LIG1: variants seen among roughly 807,000 people sequenced by gnomAD.
LIG1 encodes the protein DNA ligase 1.
Under a neutral mutation model 115.7 loss-of-function variants are expected in LIG1, and 70 were observed. That is an observed-to-expected ratio of 0.60 (90% CI 0.50 to 0.74). The LOEUF is 0.74. LIG1 is among the 30% of genes least tolerant of loss of function. The pLI is 0.00. For synonymous variants in LIG1, 487 were observed against 495.3 expected, an observed-to-expected ratio of 0.98 and a Z score of 0.22; for missense variants, 1,115 against 1,225.6, an observed-to-expected ratio of 0.91 and a Z score of 1.35.
chr19:48,136,338 T>C (rs955098873), intron 14 of LIG1, among the ~76,000 whole-genome samples: 2 of 152,118 alleles, frequency 1.3e-5, no homozygotes, highest in African/African-American at 4.8e-5. Context: ...CCCACTAGCA[T>C]AGACTGGGGA....
chr19:48,143,314 A>G (rs2034894429), intron 11 of LIG1, among the ~76,000 whole-genome samples: 1 of 152,206 alleles, frequency 6.6e-6, no homozygotes, highest in African/African-American at 2.4e-5. Context: ...CTTACCCTGC[A>G]CATCTGGGCT....
rs964828565 is a variant in LIG1, at chr19:48,154,291, C to G, written c.371-324G>C. 61 of 366,270 alleles carry G rather than the reference C, an allele frequency of 1.7e-4. 1 individual carries two copies. The highest frequency in any genetic ancestry group is 1.3e-3 in the South Asian group (59 of 45,824). The allele number at this position is 366,270 out of a possible 1,614,324, so 22.7% of individuals were successfully genotyped here. A position where few individuals can be genotyped will look rare whatever the true frequency, so the allele number is the denominator to read the frequency against. ...AGGTCCCCTGAGCTCCCCACTGCTCCCCTCAGATCTTAACTGCCTCCAAGT... is the reference window on the plus strand; with the variant it reads ...AGGTCCCCTGAGCTCCCCACTGCTCGCCTCAGATCTTAACTGCCTCCAAGT... On this transcript the variant is annotated intron_variant, in intron 5 of 27. Coordinates refer to ENST00000263274, the MANE Select transcript of LIG1 (RefSeq NM_000234.3).
chr19:48,143,821 T>A lies in LIG1; in HGVS notation c.857+62A>T, dbSNP rs372591837. 4 of 1,415,724 alleles carry A rather than the reference T, an allele frequency of 2.8e-6. No individual in the cohort carries two copies. The East Asian group carries it at 9.1e-5, about 32-fold the overall frequency. The allele number at this position is 1,415,724 out of a possible 1,614,324, so 87.7% of individuals were successfully genotyped here. ...CATTTCTCCCAACCAAGACTCTGCT[T>A]AGAGAGCCTCCGGTGGCAACAGGGA... On this transcript the variant is annotated intron_variant, in intron 10 of 27. Coordinates refer to ENST00000263274, the MANE Select transcript of LIG1 (RefSeq NM_000234.3).
At position 48,132,615 on chromosome 19, in the gene LIG1, C is replaced by A. The variant is rs559470285; in HGVS notation, c.1725+367G>T. Among the ~76,000 whole-genome samples the A allele has an allele frequency of 4.6e-5, 7 of 151,758 alleles. No homozygotes were observed. In the South Asian group the frequency reaches 8.3e-4, roughly 18 times the overall value. Reference sequence around the variant, plus strand: ...GACCATCTTGGCCAACATGGTGAAACCTCGTCTCTACTAAAAATACAAAAA... The same window carrying A: ...GACCATCTTGGCCAACATGGTGAAAACTCGTCTCTACTAAAAATACAAAAA... On this transcript the variant is annotated intron_variant, in intron 18 of 27. Transcript: ENST00000263274.
At chr19:48,133,779 G>A (rs1403187947) in intron 17 of LIG1, among the ~76,000 whole-genome samples, 2 of 152,156 alleles carry the variant, frequency 1.3e-5, no homozygotes, top group Non-Finnish European at 2.9e-5. Flanking sequence ...TCACAGCAGT[G>A]TCACCTACAC....
chr19:48,115,907 T>C lies in LIG1; in HGVS notation c.2642A>G (p.Asp881Gly). The change falls in exon 27 of 28, where the codon GAC (aspartate) becomes GGC (glycine). Residue 881 changes from aspartate (D) to glycine (G), a missense_variant. Asp to Gly is a moderately conservative substitution (Grantham distance 94). Transcript: ENST00000263274. ...GGTGGTGGCCTGCTCCGGCTGCTTGTCTTCACGGACTCGAATAAACCGAGG... is the reference window on the plus strand; with the variant it reads ...GGTGGTGGCCTGCTCCGGCTGCTTGCCTTCACGGACTCGAATAAACCGAGG... ...RFPRFIRVREDKQPEQATTSA... is the reference protein window; with the variant it reads ...RFPRFIRVREGKQPEQATTSA... 1 of 1,613,906 alleles carries C rather than the reference T, an allele frequency of 6.2e-7. No homozygotes were observed. The highest frequency in any genetic ancestry group is 1.6e-4 in the Middle Eastern group (1 of 6,068).
intron 11 of LIG1, 126 bp downstream of exon 11, chr19:48,143,417 A>C: frequency 2.3e-6 from 2 of 878,082 alleles, no homozygotes; most frequent in South Asian, 1.3e-5. Flanking sequence ...ATCCATGATC[A>C]TACGCCCGAG....
chr19:48,116,120 C>G, intron 26 of LIG1, 155 bp from the exon 27 acceptor site: 3 of 680,492 alleles, frequency 4.4e-6, no homozygotes, highest in Non-Finnish European at 7.9e-6. Flanking sequence ...GTGCTTGGAA[C>G]AGTACCCGGG....
At chr19:48,145,085 G>C (rs1312729717) in intron 9 of LIG1, among the ~76,000 whole-genome samples, 3 of 152,210 alleles carry the variant, frequency 2.0e-5, no homozygotes, top group Non-Finnish European at 4.4e-5. Flanking sequence ...TCTTTGTAGA[G>C]ATGGGGTTTT....
At chr19:48,134,995 G>T (rs150108380) in intron 16 of LIG1, among the ~76,000 whole-genome samples, 11 of 152,308 alleles carry the variant, frequency 7.2e-5, no homozygotes, top group African/African-American at 2.6e-4. Context: ...CCTCGTGGCC[G>T]CTCCACGGAT....
rs1249813538 is a variant in LIG1 at position 48,161,233 on chromosome 19, C to T, written c.243+139G>A. 6 of 1,281,262 alleles carry T rather than the reference C, an allele frequency of 4.7e-6. No homozygotes were observed. In the African/African-American group the frequency reaches 8.7e-5, roughly 19 times the overall value. The allele number at this position is 1,281,262 out of a possible 1,614,324, so 79.4% of individuals were successfully genotyped here. A position where few individuals can be genotyped will look rare whatever the true frequency, so the allele number is the denominator to read the frequency against. On this transcript the variant is annotated intron_variant, in intron 4 of 27. Coordinates refer to ENST00000263274, the MANE Select transcript of LIG1 (RefSeq NM_000234.3). ...CAATTAGGACCAGGTTGTGTCTGCCCCCGACACAACCAGGAAACACATCTA... is the reference window on the plus strand; with the variant it reads ...CAATTAGGACCAGGTTGTGTCTGCCTCCGACACAACCAGGAAACACATCTA...
At chr19:48,138,867 G>A (rs1195217975) in intron 12 of LIG1, among the ~76,000 whole-genome samples, 1 of 152,196 alleles carries the variant, frequency 6.6e-6, no homozygotes, top group Non-Finnish European at 1.5e-5. Context: ...TATGACGTCA[G>A]TGCTCCCGAA....
At chr19:48,138,267 C>T (rs1327483271) in intron 12 of LIG1, among the ~76,000 whole-genome samples, 1 of 152,168 alleles carries the variant, frequency 6.6e-6, no homozygotes, top group African/African-American at 2.4e-5. Context: ...TCAGAACCAA[C>T]ACACCCTTGT....
intron 25 of LIG1, 153 bp from the exon 26 acceptor site, chr19:48,117,934 G>C: frequency 2.6e-6 from 2 of 755,154 alleles, no homozygotes; most frequent in Non-Finnish European, 2.3e-6. Flanking sequence ...AAAGAAACAA[G>C]ACACCCCCTT....
intron 2 of LIG1, among the ~76,000 whole-genome samples, chr19:48,165,057 G>A (rs1226432009): frequency 2.0e-5 from 3 of 152,198 alleles, no homozygotes; most frequent in Non-Finnish European, 2.9e-5. Context: ...TCAGGAGTTT[G>A]AGACCAGCCT....
chr19:48,164,639 C>A (rs999515322), intron 2 of LIG1, among the ~76,000 whole-genome samples: 2 of 152,210 alleles, frequency 1.3e-5, no homozygotes, highest in African/African-American at 2.4e-5. Flanking sequence ...GTGAGGACAA[C>A]CTCAAGGACA....
At chr19:48,147,660 G>GA (rs1269018655) in intron 9 of LIG1, among the ~76,000 whole-genome samples, 7 of 147,934 alleles carry the variant, frequency 4.7e-5, no homozygotes, top group Non-Finnish European at 1.0e-4. Context: ...AAAAAAACAA[G>GA]AAACAAAAAA....
chr19:48,149,969 A>G (rs952977815), intron 8 of LIG1, 119 bp downstream of exon 8: 2 of 1,573,332 alleles, frequency 1.3e-6, no homozygotes, highest in African/African-American at 2.7e-5. Flanking sequence ...GACAAGGCCG[A>G]CTTTCCAACC....
chr19:48,147,142 C>A (rs140076103), intron 9 of LIG1: 126 of 152,300 alleles, frequency 8.3e-4, no homozygotes, highest in African/African-American at 2.8e-3. Flanking sequence ...TTATCTGTTT[C>A]ATTTGTAGAG....
Sources: gnomAD v4.1 joint callset for allele counts (sites outside exome capture counted in the v4.1 genomes callset) on GRCh38, gnomAD v4.1.1 for gene constraint, MANE v1.5 for transcripts, NCBI Gene and HGNC (gene_info 2026-07-23, HGNC 2026-07-21) for gene names.